DMGDH: variants seen among roughly 807,000 people sequenced by gnomAD.
The protein encoded by DMGDH is dimethylglycine dehydrogenase, also known as dimethylglycine dehydrogenase, mitochondrial.
In DMGDH, 76 loss-of-function variants were observed where a neutral mutation model predicts 95.2. The ratio of observed to expected loss-of-function variants is 0.80; its 90% CI spans 0.66 to 0.97. DMGDH has a LOEUF of 0.97. DMGDH is among the 50% of genes least tolerant of loss of function. DMGDH has a pLI of 0.00. For missense variants in DMGDH, 987 were observed against 1,055.0 expected, an observed-to-expected ratio of 0.94 and a Z score of 0.89; for synonymous variants, 345 against 377.6, an observed-to-expected ratio of 0.91 and a Z score of 1.00.
At chr5:79,014,986 G>C (rs1753704666) in intron 14 of DMGDH, among the ~76,000 whole-genome samples, 1 of 152,116 alleles carries the variant, frequency 6.6e-6, no homozygotes, top group South Asian at 2.1e-4. Context: ...GAGTGCTATA[G>C]AAAACGGATT....
intron 6 of DMGDH, 117 bp downstream of exon 6, chr5:79,044,187 C>T: frequency 7.0e-7 from 1 of 1,437,362 alleles, no homozygotes; most frequent in Non-Finnish European, 9.8e-7. Flanking sequence ...CTCCAATGTC[C>T]CAGGTATCTG....
At chr5:79,031,032 C>T (rs1490993333) in intron 9 of DMGDH, 34 bp from the exon 10 acceptor site, 10 of 1,613,100 alleles carry the variant, frequency 6.2e-6, no homozygotes, top group East Asian at 2.2e-5. Flanking sequence ...TAAAACAACT[C>T]CCGTTCATTT....
chr5:79,002,870 C>A (rs1277879841), intron 15 of DMGDH, among the ~76,000 whole-genome samples: 1 of 152,136 alleles, frequency 6.6e-6, no homozygotes, highest in Non-Finnish European at 1.5e-5. Flanking sequence ...AAAGAGCAGG[C>A]AAACTCATAT....
intron 6 of DMGDH, 92 bp downstream of exon 6, chr5:79,044,212 T>A: frequency 6.4e-7 from 1 of 1,569,718 alleles, no homozygotes; most frequent in Non-Finnish European, 8.8e-7. Flanking sequence ...TCTAGTATTA[T>A]GTTGTTGTCT....
rs572393144 is a variant in DMGDH, at chr5:79,056,964, T to A, written c.277-1056A>T. On this transcript the variant is annotated intron_variant, in intron 2 of 15. Coordinates refer to ENST00000255189, the MANE Select transcript of DMGDH (RefSeq NM_013391.3). The stretch of plus-strand genomic sequence containing the variant: ...AAGGACCATGGACTAGCACAGGATC[T>A]TCTTTGACCCAGTCTCCACCCTTCT... Among the ~76,000 whole-genome samples, 3 of 152,322 alleles carry A rather than the reference T, an allele frequency of 2.0e-5. No homozygotes were observed. The South Asian group carries it at 6.2e-4, about 32-fold the overall frequency.
intron 14 of DMGDH, chr5:79,020,746 A>C: frequency 1.0e-6 from 1 of 984,150 alleles, no homozygotes; most frequent in Non-Finnish European, 1.2e-6. Flanking sequence ...AAGGAGAGAG[A>C]AAAAGGGAAA....
At position 79,044,657 on chromosome 5, in the gene DMGDH, C is replaced by T. The variant is rs1273703557; in HGVS notation, c.746-105G>A. 6.1e-6 allele frequency: 8 copies of T among 1,308,010 alleles called. No individual in the cohort carries two copies. In the East Asian group the frequency reaches 2.0e-4, roughly 33 times the overall value. The allele number at this position is 1,308,010 out of a possible 1,614,324, so 81.0% of individuals were successfully genotyped here. ...ATAAAATGTTTAGAAGGCTTAAGTA[C>T]TCATGGCAAAGTCTAATAAATGTCA... On this transcript the variant is annotated intron_variant, in intron 5 of 15. Coordinates refer to ENST00000255189, the MANE Select transcript of DMGDH (RefSeq NM_013391.3).
intron 2 of DMGDH, among the ~76,000 whole-genome samples, chr5:79,058,914 C>T (rs1019512309): frequency 6.6e-6 from 1 of 152,204 alleles, no homozygotes; most frequent in African/African-American, 2.4e-5. Context: ...CTCCCTCTCT[C>T]AGGAGCCTCT....
intron 7 of DMGDH, among the ~76,000 whole-genome samples, chr5:79,039,910 CT>C (rs894238676): frequency 2.0e-5 from 3 of 152,122 alleles, no homozygotes; most frequent in African/African-American, 7.2e-5. Context: ...AGGAAGGCAC[CT>C]GGAAAGGGCC....
chr5:79,042,597 C>T (rs1754542139), intron 6 of DMGDH, 116 bp from the exon 7 acceptor site: 2 of 956,034 alleles, frequency 2.1e-6, no homozygotes, highest in Non-Finnish European at 1.7e-6. Context: ...GAAAGTACTG[C>T]CATTTTTTGT....
At chr5:79,027,591 G>A (rs1416177302) in intron 12 of DMGDH, among the ~76,000 whole-genome samples, 2 of 152,138 alleles carry the variant, frequency 1.3e-5, no homozygotes, top group Non-Finnish European at 2.9e-5. Context: ...CACCACTGGG[G>A]AACTGAAGAG....
Position 79,042,211 on chromosome 5 carries a change from G to C in DMGDH, c.1193+72C>G, listed in dbSNP as rs981331523. The C allele has an allele frequency of 8.5e-6, 12 of 1,414,418 alleles. No individual in the cohort carries two copies. The Admixed American group carries it at 8.8e-5, about 10-fold the overall frequency. The allele number at this position is 1,414,418 out of a possible 1,614,324, so 87.6% of individuals were successfully genotyped here. ...CTCCCACATTTCCCTTTTGCATCCT[G>C]AGAATATGGAACTAGATTTAGCTAA... On this transcript the variant is annotated intron_variant, in intron 7 of 15. Transcript: ENST00000255189.
chr5:79,040,866 A>G (rs1409323506), intron 7 of DMGDH, among the ~76,000 whole-genome samples: 1 of 152,220 alleles, frequency 6.6e-6, no homozygotes, highest in East Asian at 1.9e-4. Flanking sequence ...TCCTACTTCC[A>G]CATGCCTGCA....
intron 6 of DMGDH, 68 bp from the exon 7 acceptor site, chr5:79,042,549 G>A: frequency 2.0e-6 from 3 of 1,487,254 alleles, no homozygotes; most frequent in Non-Finnish European, 2.8e-6. Context: ...AGTGATTTAA[G>A]CCTCTGACAT....
At chr5:79,060,737 G>A (rs1294389872) in intron 2 of DMGDH, among the ~76,000 whole-genome samples, 4 of 151,812 alleles carry the variant, frequency 2.6e-5, no homozygotes, top group African/African-American at 4.8e-5. Flanking sequence ...TGGCCAACAT[G>A]GTGAAACCTC....
intron 14 of DMGDH, among the ~76,000 whole-genome samples, chr5:79,015,786 G>A (rs1753721657): frequency 6.6e-6 from 1 of 152,092 alleles, no homozygotes; most frequent in Admixed American, 6.5e-5. Flanking sequence ...GTTTTAAAAG[G>A]TGACATATCA....
rs1309509328 is a variant in DMGDH, at chr5:79,026,417, T to A, written c.2190+7A>T. The stretch of plus-strand genomic sequence containing the variant: ...AAAATGTTAATAAAGATGCTAGCAT[T>A]TCAAACCTCTAACCCCCAGGCTCTG... On this transcript the variant is annotated splice_region_variant and intron_variant, in intron 13 of 15. Transcript: ENST00000255189. The A allele has an allele frequency of 2.0e-5, 32 of 1,614,068 alleles. No individual in the cohort carries two copies. Among genetic ancestry groups the A allele is most frequent in the Non-Finnish European group, 2.6e-5 (31 of 1,179,976 alleles).
intron 1 of DMGDH, 117 bp from the exon 2 acceptor site, chr5:79,063,904 G>A (rs1229329265): frequency 9.3e-7 from 1 of 1,072,754 alleles, no homozygotes; most frequent in African/African-American, 1.6e-5. Context: ...ACTGAGATTT[G>A]CATGATACTG....
At chr5:79,063,043 G>C (rs1182366463) in intron 2 of DMGDH, among the ~76,000 whole-genome samples, 3 of 151,958 alleles carry the variant, frequency 2.0e-5, no homozygotes, top group Admixed American at 6.5e-5. Flanking sequence ...AGTGAGCCGA[G>C]ATCGCGCCAT....
Sources: allele counts gnomAD v4.1 joint callset (sites outside exome capture counted in the v4.1 genomes callset), GRCh38; gene constraint gnomAD v4.1.1; transcripts MANE v1.5; gene names NCBI Gene and HGNC (gene_info 2026-07-23, HGNC 2026-07-21).